The following KNL1 variants were observed in gnomAD, a reference collection of about 807,000 sequenced individuals.
KNL1 encodes outer kinetochore KNL1 complex subunit KNL1.
KNL1 carries 66 observed loss-of-function variants against 201.3 expected under a neutral mutation model. That is an observed-to-expected ratio of 0.33 (90% CI 0.27 to 0.40). KNL1 has a LOEUF of 0.40. Among genes scored for constraint, KNL1 ranks in the 10% least tolerant of loss-of-function variants. The probability of loss-of-function intolerance (pLI) is 1.00; values close to 1 mark genes in which losing one functional copy is unlikely to be tolerated. For missense variants in KNL1, 2,815 were observed against 2,690.5 expected, an observed-to-expected ratio of 1.05 and a Z score of -1.02; for synonymous variants, 895 against 899.2, an observed-to-expected ratio of 1.00 and a Z score of 0.08.
At chr15:40,638,689 C>G (rs1893130739) in intron 13 of KNL1, among the ~76,000 whole-genome samples, 1 of 151,870 alleles carries the variant, frequency 6.6e-6, no homozygotes, top group Admixed American at 6.6e-5. Flanking sequence ...GATGGGGTTT[C>G]TCCAGGTGGG....
At position 40,651,906 on chromosome 15, in the gene KNL1, A is replaced by T. The variant is rs563076369; in HGVS notation, c.6315-99A>T. 17 of 690,976 alleles carry T rather than the reference A, an allele frequency of 2.5e-5. No homozygotes were observed. The African/African-American group carries it at 2.7e-4, about 11-fold the overall frequency. 42.8% of individuals were successfully genotyped at this position (690,976 alleles called of 1,614,324 possible). Reference sequence around the variant, plus strand: ...TTTTCTCCCAGTCCAGTGGAAAAACATTAGCAGCTGCTGTTGGTACTGTTT... The same window carrying T: ...TTTTCTCCCAGTCCAGTGGAAAAACTTTAGCAGCTGCTGTTGGTACTGTTT... On this transcript the variant is annotated intron_variant, in intron 20 of 25. Transcript: ENST00000399668.
intron 14 of KNL1, chr15:40,642,955 TCTTACA>T (rs1190170432): frequency 1.3e-5 from 2 of 152,090 alleles, no homozygotes; most frequent in Non-Finnish European, 2.9e-5. Flanking sequence ...TGAAACGGGA[TCTTACA>T]CTCAATGAGC....
intron 17 of KNL1, among the ~76,000 whole-genome samples, chr15:40,648,966 A>T (rs933345619): frequency 6.7e-6 from 1 of 150,100 alleles, no homozygotes; most frequent in Non-Finnish European, 1.5e-5. Context: ...AGTAGCTGGG[A>T]TTACAGGCAT....
chr15:40,608,994 A>T, intron 5 of KNL1, 86 bp downstream of exon 5: 1 of 825,130 alleles, frequency 1.2e-6, no homozygotes, highest in South Asian at 1.5e-5. Flanking sequence ...GACTTGAATA[A>T]TCTGTTTTGA....
intron 12 of KNL1, among the ~76,000 whole-genome samples, chr15:40,629,050 T>C (rs1207356444): frequency 1.3e-5 from 2 of 152,070 alleles, no homozygotes; most frequent in Admixed American, 1.3e-4. Flanking sequence ...GAGAAAAAAA[T>C]GATGTATCTT....
chr15:40,635,813 C>G (rs1893041080), intron 13 of KNL1, among the ~76,000 whole-genome samples: 1 of 152,178 alleles, frequency 6.6e-6, no homozygotes, highest in East Asian at 1.9e-4. Flanking sequence ...CATGTAGTGA[C>G]TCAGGCCAAA....
At chr15:40,632,210 A>ACCCCCC (rs34274284) in intron 13 of KNL1, among the ~76,000 whole-genome samples, 4 of 131,704 alleles carry the variant, frequency 3.0e-5, no homozygotes, top group African/African-American at 8.7e-5. Flanking sequence ...ACATAGCGAG[A>ACCCCCC]CCCCCCCCCA....
chr15:40,657,011 C>A, intron 22 of KNL1, 31 bp from the exon 23 acceptor site: 1 of 1,075,762 alleles, frequency 9.3e-7, no homozygotes, highest in Non-Finnish European at 1.3e-6. Context: ...TAAGTAATAA[C>A]CTGCTTTTGC....
At chr15:40,630,071 A>G (rs1892870564) in intron 13 of KNL1, among the ~76,000 whole-genome samples, 2 of 152,208 alleles carry the variant, frequency 1.3e-5, no homozygotes, top group Admixed American at 1.3e-4. Context: ...GGTGCCTGTA[A>G]TCACAGCTAC....
chr15:40,601,778 A>C (rs75795656), intron 1 of KNL1, among the ~76,000 whole-genome samples: 53,761 of 137,412 alleles, frequency 0.39, 10,812 homozygotes, highest in Non-Finnish European at 0.45. Flanking sequence ...CAGTGAGCCG[A>C]GATGGCGCCG....
Position 40,622,538 on chromosome 15 carries a change from A to G in KNL1, c.2274A>G (p.Glu758=), listed in dbSNP as rs1892576396. 7 of 1,613,982 alleles carry G rather than the reference A, an allele frequency of 4.3e-6. No homozygotes were observed. Among genetic ancestry groups the G allele is most frequent in the South Asian group, 1.1e-5 (1 of 91,062 alleles). The change falls in exon 10 of 26, where the codon GAA becomes GAG. Residue 758 remains glutamate (E), a synonymous_variant. Coordinates refer to ENST00000399668, the MANE Select transcript of KNL1 (RefSeq NM_144508.5). ...CHDKMIICSE[E]EQNMDLTKSH... ...ACAAGATGATTATATGTTCAGAGGA[A>G]GAGCAAAATATGGATCTAACAAAGA...
At chr15:40,628,454 C>T (rs897530681) in intron 11 of KNL1, among the ~76,000 whole-genome samples, 157 bp from the exon 12 acceptor site, 1 of 152,162 alleles carries the variant, frequency 6.6e-6, no homozygotes, top group Non-Finnish European at 1.5e-5. Flanking sequence ...ACACTGGAGC[C>T]TTAAAACTAT....
At chr15:40,627,965 A>C (rs1892800980) in intron 10 of KNL1, 105 bp from the exon 11 acceptor site, 1 of 736,090 alleles carries the variant, frequency 1.4e-6, no homozygotes, top group Non-Finnish European at 2.1e-6. Context: ...ATTTCATATG[A>C]ATTATAGATT....
intron 2 of KNL1, among the ~76,000 whole-genome samples, chr15:40,603,595 C>G (rs141153051): frequency 1.3e-5 from 2 of 152,188 alleles, no homozygotes; most frequent in Admixed American, 6.5e-5. Flanking sequence ...CCCCGCCCCC[C>G]CATCTCTACA....
chr15:40,640,098 C>CTTTTTTTTTTTTTTTTTTTTTTTTTTTTT (rs544723388), intron 13 of KNL1, among the ~76,000 whole-genome samples: 1 of 124,506 alleles, frequency 8.0e-6, no homozygotes, highest in Non-Finnish European at 1.7e-5. Context: ...TTTTTCTTTT[C>CTTTTTTTTTTTTTTTTTTTTTTTTTTTTT]TTTTTTTTTT....
At chr15:40,601,843 T>A (rs1399708901) in intron 1 of KNL1, among the ~76,000 whole-genome samples, 8 of 128,874 alleles carry the variant, frequency 6.2e-5, no homozygotes, top group East Asian at 2.3e-4. Flanking sequence ...AAAAAAAAAA[T>A]TCCTTAAAAA....
rs1424287969 is a variant in KNL1 at position 40,624,043 on chromosome 15, T to C, written c.3779T>C (p.Val1260Ala). Residue 1260 changes from valine (V) to alanine (A), a missense_variant, in exon 10 of 26, where the codon GTT becomes GCT. Val to Ala is a moderately conservative substitution (Grantham distance 64, BLOSUM62 0). Coordinates refer to ENST00000399668, the MANE Select transcript of KNL1 (RefSeq NM_144508.5). ...ATGGATGAAAAGGTCATAGGGAAAGTTGTAGACCAGGCCTGTACATTGGAA... is the reference window on the plus strand; with the variant it reads ...ATGGATGAAAAGGTCATAGGGAAAGCTGTAGACCAGGCCTGTACATTGGAA... ...AAMDEKVIGK[V>A]VDQACTLEKA... is the part of the protein sequence containing the mutation. 2 of 1,614,010 alleles carry C rather than the reference T, an allele frequency of 1.2e-6. No homozygotes were observed. Among genetic ancestry groups the C allele is most frequent in the East Asian group, 2.2e-5 (1 of 44,878 alleles).
intron 3 of KNL1, 106 bp from the exon 4 acceptor site, chr15:40,606,287 G>A (rs1891968862): frequency 4.5e-6 from 3 of 670,182 alleles, no homozygotes; most frequent in Non-Finnish European, 8.2e-6. Context: ...GAGTTTCAGA[G>A]TTTTTAATGA....
rs376468015 is a variant in KNL1, at chr15:40,621,702, G to A, written c.1438G>A (p.Gly480Arg). ...TCTCACAGAGAAAACTATTTATTCC[G>A]GAGAGGAGAACATGGACATTACCAA... is the stretch of plus-strand genomic sequence containing the variant. ...SSLTEKTIYS[G>R]EENMDITKSH... is the part of the protein sequence containing the mutation. The change falls in exon 10 of 26, where the codon GGA (glycine) becomes AGA (arginine). Residue 480 changes from glycine to arginine, a missense_variant. Coordinates refer to ENST00000399668, the MANE Select transcript of KNL1 (RefSeq NM_144508.5). The A allele has an allele frequency of 1.1e-4, 174 of 1,610,766 alleles. No individual in the cohort carries two copies. Among genetic ancestry groups the A allele is most frequent in the South Asian group, 4.0e-4 (36 of 90,948 alleles).
Sources: gnomAD v4.1 joint callset for allele counts (sites outside exome capture counted in the v4.1 genomes callset) on GRCh38, gnomAD v4.1.1 for gene constraint, MANE v1.5 for transcripts, NCBI Gene and HGNC (gene_info 2026-07-23, HGNC 2026-07-21) for gene names.